The following CSMD1 variants were observed in gnomAD, a reference collection of about 807,000 sequenced individuals.
The protein encoded by CSMD1 is CUB and sushi domain-containing protein 1.
In CSMD1, 213 loss-of-function variants were observed where a neutral mutation model predicts 417.5. That is an observed-to-expected ratio of 0.51 (90% confidence interval 0.46 to 0.57). The LOEUF (loss-of-function observed/expected upper bound fraction) is 0.57, where lower values mean the gene tolerates loss of function less well. CSMD1 is among the 20% of genes least tolerant of loss of function. The pLI, the probability that CSMD1 is intolerant of heterozygous loss-of-function variation, is 0.00. For missense variants in CSMD1, 6,923 were observed against 4,529.7 expected, an observed-to-expected ratio of 1.53 and a Z score of -15.17; for synonymous variants, 2,862 against 1,736.8, an observed-to-expected ratio of 1.65 and a Z score of -16.11.
At chr8:4,728,060 G>C (rs924999692) in intron 1 of CSMD1, among the ~76,000 whole-genome samples, 10 of 145,648 alleles carry the variant, frequency 6.9e-5, no homozygotes, top group African/African-American at 2.2e-4. Flanking sequence ...TATATAGAGA[G>C]ATGTAGAATG....
At chr8:4,275,384 A>C (rs1796426910) in intron 3 of CSMD1, among the ~76,000 whole-genome samples, 1 of 152,194 alleles carries the variant, frequency 6.6e-6, no homozygotes, top group African/African-American at 2.4e-5. Flanking sequence ...ATCATCTTTA[A>C]TGTTTTAAAG....
chr8:3,869,044 C>G (rs1312753037), intron 5 of CSMD1, among the ~76,000 whole-genome samples: 3 of 152,226 alleles, frequency 2.0e-5, no homozygotes, highest in Non-Finnish European at 4.4e-5. Context: ...ACAGTGCCCT[C>G]AGGGTCCCTT....
At chr8:3,145,075 GTGTC>G (rs976243309) in intron 40 of CSMD1, among the ~76,000 whole-genome samples, 3 of 148,798 alleles carry the variant, frequency 2.0e-5, no homozygotes, top group African/African-American at 7.6e-5. Flanking sequence ...ATGCATTTGT[GTGTC>G]TGTGTGCACG....
chr8:3,900,686 C>G (rs200699004), intron 5 of CSMD1, among the ~76,000 whole-genome samples: 1 of 151,820 alleles, frequency 6.6e-6, no homozygotes, highest in Non-Finnish European at 1.5e-5. Flanking sequence ...GACAGTGTAG[C>G]TTGGTGGCCC....
chr8:4,395,026 T>A (rs894827975), intron 3 of CSMD1, among the ~76,000 whole-genome samples: 2 of 152,176 alleles, frequency 1.3e-5, no homozygotes, highest in Non-Finnish European at 2.9e-5. Flanking sequence ...TCCCTCTGCG[T>A]GGCATATCCC....
At chr8:3,697,169 T>G (rs576097247) in intron 7 of CSMD1, among the ~76,000 whole-genome samples, 1 of 152,342 alleles carries the variant, frequency 6.6e-6, no homozygotes, top group Non-Finnish European at 1.5e-5. Flanking sequence ...TTGAAACTTT[T>G]CATTCAGTGA....
intron 6 of CSMD1, among the ~76,000 whole-genome samples, chr8:3,714,253 CTAATT>C (rs202130138): frequency 0.027 from 4,035 of 151,004 alleles, 161 homozygotes; most frequent in African/African-American, 0.092. Context: ...CTATTGTTCT[CTAATT>C]TAATTTGTCT....
At chr8:3,310,267 T>G (rs1426769091) in intron 23 of CSMD1, among the ~76,000 whole-genome samples, 6 of 152,216 alleles carry the variant, frequency 3.9e-5, no homozygotes, top group East Asian at 1.9e-4. Context: ...TACAGATTAT[T>G]CAGTGCTCAT....
chr8:4,024,178 T>C (rs1034390103), intron 4 of CSMD1, among the ~76,000 whole-genome samples: 1 of 152,086 alleles, frequency 6.6e-6, no homozygotes, highest in African/African-American at 2.4e-5. Flanking sequence ...ATTATTCCAG[T>C]TCATAAATAT....
chr8:3,548,508 C>A, intron 10 of CSMD1, among the ~76,000 whole-genome samples: 1 of 151,950 alleles, frequency 6.6e-6, no homozygotes, highest in Non-Finnish European at 1.5e-5. Context: ...TTTCCATCCT[C>A]ATAGCTTAGC....
chr8:4,402,030 G>T (rs766030503), intron 3 of CSMD1, among the ~76,000 whole-genome samples: 2 of 152,012 alleles, frequency 1.3e-5, no homozygotes, highest in Non-Finnish European at 2.9e-5. Context: ...ATAATTCGTG[G>T]TGACTTCACT....
intron 1 of CSMD1, among the ~76,000 whole-genome samples, chr8:4,644,895 G>T (rs1803424870): frequency 6.6e-6 from 1 of 152,240 alleles, no homozygotes; most frequent in African/African-American, 2.4e-5. Context: ...GTTGAAGCCT[G>T]TGGGTGAGTT....
rs11775684 is a variant in CSMD1 at position 4,107,469 on chromosome 8, A to T, written c.416-75370T>A. On this transcript the variant is annotated intron_variant, in intron 3 of 69. Transcript: ENST00000635120. ...TTGTTTAAAGCACTGGATAATGATTACAAGTGAAACGGATATTTCAAACAC... is the reference window on the plus strand; with the variant it reads ...TTGTTTAAAGCACTGGATAATGATTTCAAGTGAAACGGATATTTCAAACAC... Among the ~76,000 whole-genome samples the T allele has an allele frequency of 2.7e-3, 412 of 152,358 alleles. 3 individuals carry two copies. Among genetic ancestry groups the T allele is most frequent in the Non-Finnish European group, 4.4e-3 (297 of 68,040 alleles).
chr8:4,240,826 C>G (rs77436321), intron 3 of CSMD1, among the ~76,000 whole-genome samples: 4,605 of 152,072 alleles, frequency 0.03, 179 homozygotes, highest in African/African-American at 0.088. Context: ...TATTTGGTGT[C>G]TATGTGAGGG....
At chr8:3,779,961 T>A (rs573603981) in intron 5 of CSMD1, among the ~76,000 whole-genome samples, 113 of 152,346 alleles carry the variant, frequency 7.4e-4, no homozygotes, top group African/African-American at 2.6e-3. Context: ...CTAAGAAAGC[T>A]TAAATCAACC....
At chr8:3,164,862 T>C (rs572235161) in intron 37 of CSMD1, among the ~76,000 whole-genome samples, 4 of 152,326 alleles carry the variant, frequency 2.6e-5, no homozygotes, top group East Asian at 1.9e-4. Flanking sequence ...CCATAAGATA[T>C]GATGTGTTTT....
chr8:3,138,689 C>T (rs1217211795), intron 41 of CSMD1, among the ~76,000 whole-genome samples: 3 of 152,154 alleles, frequency 2.0e-5, no homozygotes, highest in African/African-American at 2.4e-5. Flanking sequence ...GATTGCTACA[C>T]GTGCAAGAGC....
At position 3,301,285 on chromosome 8, in the gene CSMD1, G is replaced by T. The variant is rs138609540; in HGVS notation, c.3950+6410C>A. On this transcript the variant is annotated intron_variant, in intron 25 of 69. Coordinates refer to ENST00000635120, the MANE Select transcript of CSMD1 (RefSeq NM_033225.6). ...AGTGGAAACCTGGTGAGTTAGGAGG[G>T]TCTACCCAGCGAAGGAACCAGGTGG... 2.0e-4 allele frequency among the ~76,000 whole-genome samples: 30 copies of T among 152,236 alleles called. No homozygotes were observed. The East Asian group carries it at 5.8e-3, about 29-fold the overall frequency.
intron 3 of CSMD1, among the ~76,000 whole-genome samples, chr8:4,196,470 A>G (rs1388234098): frequency 6.6e-6 from 1 of 152,146 alleles, no homozygotes; most frequent in Admixed American, 6.5e-5. Context: ...TCCAATGCCG[A>G]TTCAGGTGCT....
Sources: allele counts gnomAD v4.1 joint callset (sites outside exome capture counted in the v4.1 genomes callset), GRCh38; gene constraint gnomAD v4.1.1; transcripts MANE v1.5; gene names NCBI Gene and HGNC (gene_info 2026-07-23, HGNC 2026-07-21).